KCNQ1: variants seen among roughly 807,000 people sequenced by gnomAD.
KCNQ1 encodes the protein potassium voltage-gated channel subfamily KQT member 1.
In KCNQ1, 49 loss-of-function variants were observed where a neutral mutation model predicts 72.4. The ratio of observed to expected loss-of-function variants is 0.68; its 90% CI spans 0.54 to 0.86. The LOEUF (loss-of-function observed/expected upper bound fraction) is 0.86. Among genes scored for constraint, KCNQ1 ranks in the 40% least tolerant of loss-of-function variants. KCNQ1 has a pLI of 0.00. For missense variants in KCNQ1, 790 were observed against 945.1 expected, an observed-to-expected ratio of 0.84 and a Z score of 2.15; for synonymous variants, 450 against 412.6, an observed-to-expected ratio of 1.09 and a Z score of -1.10.
rs935121678 is a variant in KCNQ1, at chr11:2,526,942, C to T, written c.387-986C>T. ...CCCCTGGCCCTGGGGGCCATGTGGC[C>T]ATCTCCTGGCTCTCCGGTCGCTGAG... On this transcript the variant is annotated intron_variant, in intron 1 of 15. Coordinates refer to ENST00000155840, the MANE Select transcript of KCNQ1 (RefSeq NM_000218.3). The surrounding 1 kb of genome is among the most constrained non-coding windows in gnomAD (Gnocchi z 6.1). Among the ~76,000 whole-genome samples, 8 of 152,076 alleles carry T rather than the reference C, an allele frequency of 5.3e-5. No homozygotes were observed. The highest frequency in any genetic ancestry group is 1.9e-4 in the African/African-American group (8 of 41,412).
At chr11:2,700,325 C>T (rs901890807) in intron 11 of KCNQ1, among the ~76,000 whole-genome samples, 3 of 152,140 alleles carry the variant, frequency 2.0e-5, no homozygotes, top group Non-Finnish European at 4.4e-5. Context: ...GCGTTGGCAT[C>T]GCCGGGGTGA....
intron 2 of KCNQ1, among the ~76,000 whole-genome samples, chr11:2,546,047 C>CTT (rs1053703349): frequency 3.3e-5 from 5 of 151,342 alleles, no homozygotes; most frequent in African/African-American, 1.2e-4. Flanking sequence ...TTAATTTGTT[C>CTT]TTTTTTTTCT....
At chr11:2,630,168 A>C (rs1849330148) in intron 10 of KCNQ1, 2 of 398,276 alleles carry the variant, frequency 5.0e-6, no homozygotes. Flanking sequence ...TGCACTTATC[A>C]AAATGATTGT....
intron 15 of KCNQ1, among the ~76,000 whole-genome samples, chr11:2,812,772 C>G (rs949540190): frequency 6.6e-6 from 1 of 152,216 alleles, no homozygotes; most frequent in Non-Finnish European, 1.5e-5. Flanking sequence ...CCCACGCCCC[C>G]GGGGCCCCAT....
At chr11:2,801,742 C>G (rs916753193) in intron 15 of KCNQ1, among the ~76,000 whole-genome samples, 12 of 152,220 alleles carry the variant, frequency 7.9e-5, no homozygotes, top group African/African-American at 2.9e-4. Context: ...TGGGGAGATG[C>G]CCCCACTGCA....
At chr11:2,460,103 G>T (rs1846252369) in intron 1 of KCNQ1, among the ~76,000 whole-genome samples, 1 of 152,034 alleles carries the variant, frequency 6.6e-6, no homozygotes. Context: ...CCTCACTCGA[G>T]TCCTTGCTTG....
chr11:2,740,133 C>T (rs1564877712), intron 11 of KCNQ1, among the ~76,000 whole-genome samples: 1 of 152,178 alleles, frequency 6.6e-6, no homozygotes, highest in African/African-American at 2.4e-5. Context: ...TGCTCTCAAA[C>T]CATGAGAAAC....
rs558326172 is a variant in KCNQ1, at chr11:2,479,626, C to T, written c.386+34142C>T. ...GCCCAGTCCAGGAAACCATTTTTGC[C>T]TCCTAGGCCTCTGGGCCTGGGATGG... On this transcript the variant is annotated intron_variant, in intron 1 of 15. Coordinates refer to ENST00000155840, the MANE Select transcript of KCNQ1 (RefSeq NM_000218.3). The surrounding 1 kb of genome is among the most constrained non-coding windows in gnomAD (Gnocchi z 4.6). 6.4e-3 allele frequency among the ~76,000 whole-genome samples: 980 copies of T among 152,320 alleles called. 4 individuals are homozygous for T. Among genetic ancestry groups the T allele is most frequent in the Middle Eastern group, 0.01 (3 of 294 alleles).
chr11:2,644,973 A>G lies in KCNQ1; in HGVS notation c.1394-16988A>G, dbSNP rs189933282. 3.1e-4 allele frequency: 125 copies of G among 398,590 alleles called. No individual in the cohort carries two copies. Among genetic ancestry groups the G allele is most frequent in the East Asian group, 7.1e-4 (20 of 28,076 alleles). 24.7% of individuals were successfully genotyped at this position (398,590 alleles called of 1,614,324 possible). On this transcript the variant is annotated intron_variant, in intron 10 of 15. Coordinates refer to ENST00000155840, the MANE Select transcript of KCNQ1 (RefSeq NM_000218.3). Reference sequence around the variant, plus strand: ...CCCCGAATGCTTATCCTTGGGCCCAATGGTAGTGTATGCTGGTACCAGTGT... The same window carrying G: ...CCCCGAATGCTTATCCTTGGGCCCAGTGGTAGTGTATGCTGGTACCAGTGT...
rs149873924 is a variant in KCNQ1 at position 2,813,344 on chromosome 11, A to C, written c.1795-34423A>C. On this transcript the variant is annotated intron_variant, in intron 15 of 15. Transcript: ENST00000155840. The surrounding 1 kb of genome is among the most constrained non-coding windows in gnomAD (Gnocchi z 4.4). ...CTGCCCTGTGTCCTCATGCACCTCC[A>C]TTCAGGGAACCTGGGCTCCCCACTC... 2.6e-5 allele frequency among the ~76,000 whole-genome samples: 4 copies of C among 152,272 alleles called. No homozygotes were observed. The East Asian group carries it at 5.8e-4, about 22-fold the overall frequency.
At chr11:2,590,374 T>C (rs1472459779) in intron 10 of KCNQ1, among the ~76,000 whole-genome samples, 1 of 152,240 alleles carries the variant, frequency 6.6e-6, no homozygotes, top group African/African-American at 2.4e-5. Context: ...GCAGAGGCCC[T>C]GGCAAATGTT....
intron 1 of KCNQ1, among the ~76,000 whole-genome samples, chr11:2,489,546 A>G (rs1249449572): frequency 6.6e-6 from 1 of 152,228 alleles, no homozygotes; most frequent in African/African-American, 2.4e-5. Flanking sequence ...TGGGGGGCAC[A>G]CAACCTAGTG....
chr11:2,825,049 C>T lies in KCNQ1; in HGVS notation c.1795-22718C>T, dbSNP rs568754453. 1.6e-4 allele frequency among the ~76,000 whole-genome samples: 24 copies of T among 152,338 alleles called. 2 individuals are homozygous for T. The South Asian group carries it at 4.8e-3, about 30-fold the overall frequency. ...AGCTCCGAGCTCAGACATTGGTCTG[C>T]ACATGTGGCTGGTGCAGGAGGCGCA... is the stretch of plus-strand genomic sequence containing the variant. On this transcript the variant is annotated intron_variant, in intron 15 of 15. Coordinates refer to ENST00000155840, the MANE Select transcript of KCNQ1 (RefSeq NM_000218.3).
At position 2,587,698 on chromosome 11, in the gene KCNQ1, T is replaced by C. The variant is rs746912794; in HGVS notation, c.1251+6T>C. On this transcript the variant is annotated splice_donor_region_variant and intron_variant, in intron 9 of 15. Transcript: ENST00000155840. ...AACCCAAGAAGTCTGTGGTGGTGAGTAGCCCACCTGCCACCAGGGCAGGGC... is the reference window on the plus strand; with the variant it reads ...AACCCAAGAAGTCTGTGGTGGTGAGCAGCCCACCTGCCACCAGGGCAGGGC... 1.2e-5 allele frequency: 20 copies of C among 1,613,338 alleles called. No homozygotes were observed. The South Asian group carries it at 2.2e-4, about 18-fold the overall frequency.
rs1263879107 is a variant in KCNQ1, at chr11:2,654,349, G to C, written c.1394-7612G>C. ...GGGGCTTCTACTTGCAAAGGATAGG[G>C]AGAGCTTCTGTTCATCCTTGTGAAG... On this transcript the variant is annotated intron_variant, in intron 10 of 15. Transcript: ENST00000155840. This position sits in a 1 kb window ranked among gnomAD's most constrained non-coding sequence, Gnocchi z 6.4. The C allele has an allele frequency of 2.5e-6, 1 of 398,608 alleles. No homozygotes were observed. Among genetic ancestry groups the C allele is most frequent in the Non-Finnish European group, 4.4e-6 (1 of 226,204 alleles). 24.7% of individuals were successfully genotyped at this position (398,608 alleles called of 1,614,324 possible). A position where few individuals can be genotyped will look rare whatever the true frequency, so the allele number is the denominator to read the frequency against.
chr11:2,814,547 T>TGG (rs1427149320), intron 15 of KCNQ1, among the ~76,000 whole-genome samples: 27 of 150,260 alleles, frequency 1.8e-4, no homozygotes, highest in Admixed American at 1.7e-3. Flanking sequence ...GGTGAGCTGA[T>TGG]GGAGAAATGA....
intron 10 of KCNQ1, among the ~76,000 whole-genome samples, chr11:2,591,583 C>T (rs1226100104): frequency 6.6e-6 from 1 of 152,218 alleles, no homozygotes; most frequent in Non-Finnish European, 1.5e-5. Context: ...GGCTGGGGAC[C>T]CAGCCTGTGT....
At chr11:2,780,871 C>G (rs1419709982) in intron 15 of KCNQ1, among the ~76,000 whole-genome samples, 1 of 152,202 alleles carries the variant, frequency 6.6e-6, no homozygotes, top group Non-Finnish European at 1.5e-5. Context: ...CTCGTCAAAA[C>G]TCTTGCTTGA....
At position 2,766,199 on chromosome 11, in the gene KCNQ1, G is replaced by A. The variant is rs1846495639; in HGVS notation, c.1515-2645G>A. Among the ~76,000 whole-genome samples, 1 of 152,084 alleles carries A rather than the reference G, an allele frequency of 6.6e-6. No individual in the cohort carries two copies. Among genetic ancestry groups the A allele is most frequent in the African/African-American group, 2.4e-5 (1 of 41,388 alleles). ...ACCTATTTATCATGGTTATTTTGAA[G>A]TCTTCATCTAAATATTCTGAAGCAA... is the stretch of plus-strand genomic sequence containing the variant. On this transcript the variant is annotated intron_variant, in intron 11 of 15. Transcript: ENST00000155840. The surrounding 1 kb of genome is among the most constrained non-coding windows in gnomAD (Gnocchi z 4.4).
Sources: gnomAD v4.1 joint callset for allele counts (sites outside exome capture counted in the v4.1 genomes callset) on GRCh38, gnomAD v4.1.1 for gene constraint, Gnocchi (gnomAD v3.1) non-coding constraint, MANE v1.5 for transcripts, NCBI Gene and HGNC (gene_info 2026-07-23, HGNC 2026-07-21) for gene names.